Variants in REL observed in about 807,000 individuals in gnomAD.
REL encodes proto-oncogene c-Rel.
In REL, 15 loss-of-function variants were observed where a neutral mutation model predicts 45.9. That is an observed-to-expected ratio of 0.33 (90% CI 0.22 to 0.50). The LOEUF (loss-of-function observed/expected upper bound fraction) is 0.50. REL is among the 20% of genes least tolerant of loss of function. REL has a pLI of 0.98. For synonymous variants in REL, 239 were observed against 242.1 expected (o/e 0.99, Z 0.12); for missense variants, 601 against 715.2 (o/e 0.84, Z 1.82).
chr2:60,919,036 G>C (rs946587414), intron 7 of REL, among the ~76,000 whole-genome samples: 2 of 152,112 alleles, frequency 1.3e-5, no homozygotes, highest in Non-Finnish European at 2.9e-5. Flanking sequence ...TCAAGAAGAG[G>C]TTTGATTAGT....
In REL at chr2:60,929,674, TG is replaced by T. The variant is rs1166862307; in HGVS notation, c.*7145del. 1.6e-5 allele frequency: 1 copy of T among 62,064 alleles called. No homozygotes were observed. Among genetic ancestry groups the T allele is most frequent in the Admixed American group, 2.5e-4 (1 of 4,028 alleles). The allele number at this position is 62,064 out of a possible 1,614,324, so 3.8% of individuals were successfully genotyped here. A position where few individuals can be genotyped will look rare whatever the true frequency, so the allele number is the denominator to read the frequency against. ...TATCACACTGGGGACTGTTGTGGGG[TG>T]GGGGGAGGGGGGAGGGATAGCATTG... is the stretch of plus-strand genomic sequence containing the variant. On this transcript the variant is annotated 3_prime_UTR_variant, in exon 10 of 10. Transcript: ENST00000394479.
chr2:60,905,815 T>G (rs1485015346), intron 4 of REL, among the ~76,000 whole-genome samples: 1 of 152,196 alleles, frequency 6.6e-6, no homozygotes, highest in East Asian at 1.9e-4. Context: ...AACAAACATC[T>G]AGATCAGTAT....
chr2:60,885,082 G>GTT (rs1283525761), intron 1 of REL, among the ~76,000 whole-genome samples: 2 of 152,174 alleles, frequency 1.3e-5, no homozygotes, highest in African/African-American at 4.8e-5. Context: ...AAGGGAATGA[G>GTT]TTAATGTAAT....
intron 7 of REL, among the ~76,000 whole-genome samples, chr2:60,919,040 G>T (rs1674059872): frequency 6.6e-6 from 1 of 152,148 alleles, no homozygotes; most frequent in Non-Finnish European, 1.5e-5. Flanking sequence ...GAAGAGGTTT[G>T]ATTAGTATGG....
At chr2:60,894,297 C>T (rs1673293120) in intron 2 of REL, 100 bp from the exon 3 acceptor site, 1 of 692,944 alleles carries the variant, frequency 1.4e-6, no homozygotes, top group African/African-American at 1.9e-5. Flanking sequence ...TTATCTAGTG[C>T]CAATTACATT....
At chr2:60,920,999 C>CTT (rs955665257) in intron 9 of REL, among the ~76,000 whole-genome samples, 1 of 144,716 alleles carries the variant, frequency 6.9e-6, no homozygotes, top group African/African-American at 2.5e-5. Context: ...CTCTAAACTG[C>CTT]TTTTTTTTTT....
intron 7 of REL, 102 bp downstream of exon 7, chr2:60,918,708 A>G (rs1416588000): frequency 7.5e-6 from 6 of 795,900 alleles, no homozygotes; most frequent in Non-Finnish European, 1.2e-5. Context: ...TATATTCATA[A>G]TTTATGTTTC....
chr2:60,920,679 A>G, intron 9 of REL, 37 bp downstream of exon 9: 1 of 1,270,832 alleles, frequency 7.9e-7, no homozygotes, highest in Non-Finnish European at 1.1e-6. Context: ...TTGTGATCAG[A>G]AAGACCAGTA....
rs555939174 is a variant in REL at position 60,918,182 on chromosome 2, T to G, written c.536-9T>G. ...GCAACTCATTTTTTTGAAAATCCTTTATATTTAGGTGCTCCAAATACTGCA... is the reference window on the plus strand; with the variant it reads ...GCAACTCATTTTTTTGAAAATCCTTGATATTTAGGTGCTCCAAATACTGCA... On this transcript the variant is annotated splice_polypyrimidine_tract_variant and intron_variant, in intron 5 of 9. Transcript: ENST00000394479. 1 of 1,531,228 alleles carries G rather than the reference T, an allele frequency of 6.5e-7. No individual in the cohort carries two copies. The highest frequency in any genetic ancestry group is 1.4e-5 in the African/African-American group (1 of 71,804). 94.9% of individuals were successfully genotyped at this position (1,531,228 alleles called of 1,614,324 possible).
intron 2 of REL, among the ~76,000 whole-genome samples, chr2:60,892,506 G>A (rs551770628): frequency 6.0e-4 from 92 of 152,210 alleles, no homozygotes; most frequent in African/African-American, 2.2e-3. Flanking sequence ...TCAGCTCACT[G>A]CAACCTCCGC....
At chr2:60,890,360 G>A (rs1673178055) in intron 1 of REL, among the ~76,000 whole-genome samples, 1 of 152,176 alleles carries the variant, frequency 6.6e-6, no homozygotes, top group Admixed American at 6.5e-5. Context: ...GAAACTAAGA[G>A]ATTTTTAATT....
intron 9 of REL, among the ~76,000 whole-genome samples, chr2:60,921,202 T>A (rs1304165657): frequency 3.9e-5 from 6 of 152,150 alleles, no homozygotes; most frequent in Non-Finnish European, 8.8e-5. Flanking sequence ...TTTTTCCTGG[T>A]TTAGTTTGTA....
In REL at chr2:60,930,327, A is replaced by G. The variant is rs911298645; in HGVS notation, c.*7792A>G. 6 of 152,488 alleles carry G rather than the reference A, an allele frequency of 3.9e-5. No individual in the cohort carries two copies. The highest frequency in any genetic ancestry group is 1.4e-4 in the African/African-American group (6 of 41,588). 9.4% of individuals were successfully genotyped at this position (152,488 alleles called of 1,614,324 possible). Reference sequence around the variant, plus strand: ...AATACACAGCAGAGTGAGAAAAATCATTATGGATTAGGTTCTTTAGTAAGA... The same window carrying G: ...AATACACAGCAGAGTGAGAAAAATCGTTATGGATTAGGTTCTTTAGTAAGA... On this transcript the variant is annotated 3_prime_UTR_variant, in exon 10 of 10. Coordinates refer to ENST00000394479, the MANE Select transcript of REL (RefSeq NM_001291746.2).
chr2:60,888,120 G>A (rs922854430), intron 1 of REL, among the ~76,000 whole-genome samples: 2 of 151,852 alleles, frequency 1.3e-5, no homozygotes, highest in Non-Finnish European at 2.9e-5. Context: ...GTAGAGATGG[G>A]GTTTCACCAT....
At position 60,912,978 on chromosome 2, in the gene REL, T is replaced by G. The variant is rs191063913; in HGVS notation, c.395-3899T>G. ...AAGGCTTTAAAAGTGAATCAACATT[T>G]TAAAAACTTTTGGTAGACTATGTTG... On this transcript the variant is annotated intron_variant, in intron 4 of 9. Coordinates refer to ENST00000394479, the MANE Select transcript of REL (RefSeq NM_001291746.2). 5.5e-3 allele frequency among the ~76,000 whole-genome samples: 831 copies of G among 152,280 alleles called. 5 individuals are homozygous for G. Among genetic ancestry groups the G allele is most frequent in the African/African-American group, 0.019 (794 of 41,590 alleles).
chr2:60,892,074 G>C (rs746585093), intron 2 of REL, among the ~76,000 whole-genome samples: 1 of 151,874 alleles, frequency 6.6e-6, no homozygotes, highest in African/African-American at 2.4e-5. Flanking sequence ...ATTAACCTAA[G>C]TAGAGCGACT....
intron 4 of REL, among the ~76,000 whole-genome samples, chr2:60,915,657 CT>C (rs1441796620): frequency 6.6e-6 from 1 of 152,164 alleles, no homozygotes; most frequent in Non-Finnish European, 1.5e-5. Flanking sequence ...AAATTTAATA[CT>C]TTGCAAAGTA....
intron 1 of REL, among the ~76,000 whole-genome samples, chr2:60,884,383 TAGATA>T (rs1023538537): frequency 2.0e-5 from 3 of 152,074 alleles, no homozygotes; most frequent in African/African-American, 7.2e-5. Flanking sequence ...AAATTTTGTT[TAGATA>T]AGTTAGCAGA....
intron 1 of REL, among the ~76,000 whole-genome samples, chr2:60,888,209 A>G (rs1038438506): frequency 1.3e-5 from 2 of 152,130 alleles, no homozygotes; most frequent in Non-Finnish European, 2.9e-5. Context: ...GATTACAGGT[A>G]TGAGCCACCA....
Sources: gnomAD v4.1 joint callset for allele counts (sites outside exome capture counted in the v4.1 genomes callset) on GRCh38, gnomAD v4.1.1 for gene constraint, MANE v1.5 for transcripts, NCBI Gene and HGNC (gene_info 2026-07-23, HGNC 2026-07-21) for gene names.